The following GPC5 variants were observed in gnomAD, a reference collection of about 807,000 sequenced individuals.
The protein encoded by GPC5 is glypican-5.
In GPC5, 47 loss-of-function variants were observed where a neutral mutation model predicts 53.9. The ratio of observed to expected loss-of-function variants is 0.87; its 90% confidence interval spans 0.69 to 1.11. The LOEUF (loss-of-function observed/expected upper bound fraction) is 1.11, where lower values mean the gene tolerates loss of function less well. Among genes scored for constraint, GPC5 ranks in the 50% most tolerant of loss-of-function variants. The probability of loss-of-function intolerance (pLI) is 0.00; values close to 1 mark genes in which losing one functional copy is unlikely to be tolerated. For missense variants in GPC5, 748 were observed against 713.1 expected (o/e 1.05, Z -0.56); for synonymous variants, 286 against 263.3 (o/e 1.09, Z -0.84).
chr13:92,586,476 G>T (rs1313985669), intron 7 of GPC5, among the ~76,000 whole-genome samples: 2 of 152,204 alleles, frequency 1.3e-5, no homozygotes, highest in East Asian at 3.8e-4. Flanking sequence ...ATGTGAAGTT[G>T]GGTTTTTAGC....
intron 7 of GPC5, among the ~76,000 whole-genome samples, chr13:92,643,629 A>G (rs1885666699): frequency 7.0e-6 from 1 of 143,416 alleles, no homozygotes. Context: ...TCGCAAGAAC[A>G]AAAAACCAAA....
chr13:92,435,190 C>T (rs1327444281), intron 7 of GPC5, among the ~76,000 whole-genome samples: 1 of 152,184 alleles, frequency 6.6e-6, no homozygotes, highest in Non-Finnish European at 1.5e-5. Context: ...ACTGGGATTA[C>T]AGGCATGAGC....
intron 7 of GPC5, among the ~76,000 whole-genome samples, chr13:92,265,077 T>C (rs558104215): frequency 2.0e-5 from 3 of 152,204 alleles, no homozygotes; most frequent in Admixed American, 6.5e-5. Flanking sequence ...ATTTTTGAAA[T>C]GCCTTTGGTG....
At chr13:92,788,521 T>C (rs1876342736) in intron 7 of GPC5, among the ~76,000 whole-genome samples, 1 of 152,202 alleles carries the variant, frequency 6.6e-6, no homozygotes, top group Non-Finnish European at 1.5e-5. Context: ...ATTAAGTACT[T>C]AAAATCTAAA....
chr13:91,965,955 T>C (rs1161609834), intron 6 of GPC5, among the ~76,000 whole-genome samples: 1 of 152,204 alleles, frequency 6.6e-6, no homozygotes, highest in Non-Finnish European at 1.5e-5. Flanking sequence ...TAGGTTTCCA[T>C]ATGGGAGGAA....
chr13:91,853,736 G>C (rs1221371320), intron 5 of GPC5, among the ~76,000 whole-genome samples: 4 of 151,900 alleles, frequency 2.6e-5, no homozygotes, highest in Non-Finnish European at 5.9e-5. Context: ...AAAGTGTCCT[G>C]ATATCAGCTT....
At chr13:92,825,437 G>A (rs1394760773) in intron 7 of GPC5, among the ~76,000 whole-genome samples, 2 of 152,068 alleles carry the variant, frequency 1.3e-5, no homozygotes. Flanking sequence ...AAATGCAAAT[G>A]TTATTAATTC....
At chr13:92,011,888 G>T (rs760100805) in intron 6 of GPC5, among the ~76,000 whole-genome samples, 1 of 152,090 alleles carries the variant, frequency 6.6e-6, no homozygotes, top group Non-Finnish European at 1.5e-5. Flanking sequence ...AATGTTCACA[G>T]GTCAGTGCTC....
intron 7 of GPC5, among the ~76,000 whole-genome samples, chr13:92,712,897 A>C (rs548025730): frequency 1.3e-5 from 2 of 152,286 alleles, no homozygotes; most frequent in East Asian, 3.9e-4. Flanking sequence ...CAGACGGAGA[A>C]GACAGCTGTC....
chr13:92,238,356 C>T (rs2042585417), intron 7 of GPC5, among the ~76,000 whole-genome samples: 1 of 151,952 alleles, frequency 6.6e-6, no homozygotes, highest in Admixed American at 6.6e-5. Context: ...CTCACCAATA[C>T]TTATCAATAC....
chr13:91,571,791 G>GTGTA (rs1555325787), intron 2 of GPC5, among the ~76,000 whole-genome samples: 95 of 123,788 alleles, frequency 7.7e-4, no homozygotes, highest in African/African-American at 2.9e-3. Flanking sequence ...ACATATACGT[G>GTGTA]TGTGTATATA....
intron 7 of GPC5, among the ~76,000 whole-genome samples, chr13:92,226,728 A>T (rs1295916264): frequency 6.6e-6 from 1 of 151,116 alleles, no homozygotes; most frequent in African/African-American, 2.4e-5. Context: ...TCTCCCGAGC[A>T]GCTGGGATTA....
chr13:92,140,235 A>T (rs1157098949), intron 6 of GPC5, among the ~76,000 whole-genome samples: 1 of 152,228 alleles, frequency 6.6e-6, no homozygotes, highest in Non-Finnish European at 1.5e-5. Flanking sequence ...AAGTCATACA[A>T]TTTCTGGAAG....
At chr13:92,684,755 A>G (rs1349589143) in intron 7 of GPC5, among the ~76,000 whole-genome samples, 1 of 152,192 alleles carries the variant, frequency 6.6e-6, no homozygotes, top group Non-Finnish European at 1.5e-5. Context: ...GGCAAATACC[A>G]AGGAGCATAA....
intron 7 of GPC5, chr13:92,448,660 A>G (rs1216436807): frequency 6.6e-6 from 1 of 152,034 alleles, no homozygotes; most frequent in African/African-American, 2.4e-5. Flanking sequence ...ATTTGGACTC[A>G]GCATAATCAG....
At chr13:92,778,474 A>G (rs1179499524) in intron 7 of GPC5, among the ~76,000 whole-genome samples, 2 of 152,190 alleles carry the variant, frequency 1.3e-5, no homozygotes, top group Non-Finnish European at 2.9e-5. Flanking sequence ...ATAAAACAAA[A>G]TTGGCTGGCC....
intron 7 of GPC5, among the ~76,000 whole-genome samples, chr13:92,300,655 C>T (rs1253867650): frequency 5.3e-5 from 8 of 152,200 alleles, no homozygotes; most frequent in Non-Finnish European, 2.9e-5. Context: ...TTCTGTCTCA[C>T]ATCTTTTAAG....
rs983893558 is a variant in GPC5, at chr13:92,235,755, C to T, written c.1561+90766C>T. Among the ~76,000 whole-genome samples the T allele has an allele frequency of 7.9e-5, 12 of 152,168 alleles. No individual in the cohort carries two copies. In the East Asian group the frequency reaches 2.1e-3, roughly 27 times the overall value. ...ACCAGGGACCTTTTTCATGTTGCTGCTGATCACAGTTTATTGTTGCTTTTA... is the reference window on the plus strand; with the variant it reads ...ACCAGGGACCTTTTTCATGTTGCTGTTGATCACAGTTTATTGTTGCTTTTA... On this transcript the variant is annotated intron_variant, in intron 7 of 7. Coordinates refer to ENST00000377067, the MANE Select transcript of GPC5 (RefSeq NM_004466.6).
intron 6 of GPC5, among the ~76,000 whole-genome samples, chr13:92,025,124 T>G (rs1335621476): frequency 6.6e-6 from 1 of 152,174 alleles, no homozygotes; most frequent in East Asian, 1.9e-4. Context: ...GTTTCTTTTT[T>G]TCTTTAAGCC....
Sources: allele counts gnomAD v4.1 joint callset (sites outside exome capture counted in the v4.1 genomes callset), GRCh38; gene constraint gnomAD v4.1.1; transcripts MANE v1.5; gene names NCBI Gene and HGNC (gene_info 2026-07-23, HGNC 2026-07-21).